The following WNK3 variants were observed in gnomAD, a reference collection of about 807,000 sequenced individuals.
WNK3 encodes the protein serine/threonine-protein kinase WNK3.
Under a neutral mutation model 116.7 loss-of-function variants are expected in WNK3, and 18 were observed. The observed-to-expected ratio is 0.15, with a 90% confidence interval of 0.11 to 0.23. The LOEUF (loss-of-function observed/expected upper bound fraction) is 0.23, where lower values mean the gene tolerates loss of function less well. WNK3 is among the 10% of genes least tolerant of loss of function. The probability of loss-of-function intolerance (pLI) is 1.00; values close to 1 mark genes in which losing one functional copy is unlikely to be tolerated. For missense variants in WNK3, 993 were observed against 1,323.8 expected (o/e 0.75, Z 3.88); for synonymous variants, 404 against 469.4 (o/e 0.86, Z 1.80).
intron 17 of WNK3, among the ~76,000 whole-genome samples, chrX:54,245,146 G>A (rs1260141688): frequency 1.1e-4 from 4 of 37,008 alleles, no homozygotes; most frequent in East Asian, 4.8e-4. Context: ...ATATATATGC[G>A]TGTGTGTGTG....
chrX:54,299,706 C>T (rs1447332864), intron 6 of WNK3, among the ~76,000 whole-genome samples: 1 of 110,652 alleles, frequency 9.0e-6, no homozygotes, highest in South Asian at 3.8e-4. Flanking sequence ...GTGCCCGTCC[C>T]TAAGACTAAA....
intron 22 of WNK3, among the ~76,000 whole-genome samples, chrX:54,221,585 C>A (rs1202866950): frequency 1.8e-5 from 2 of 111,603 alleles, no homozygotes; most frequent in African/African-American, 6.5e-5. Context: ...TGTAATCCAG[C>A]ATTTTGGGAG....
At chrX:54,202,098 C>T (rs782116364) in exon 23 of WNK3, 7 of 1,211,368 alleles carry the variant, frequency 5.8e-6, no homozygotes, top group South Asian at 1.8e-5. Flanking sequence ...TTTGTCCAGT[C>T]ATCCACCAGC....
Position 54,341,007 on chromosome X carries a change from T to TC in WNK3, c.-119-7216dup, listed in dbSNP as rs782040620. Among the ~76,000 whole-genome samples, 18 of 112,202 alleles carry TC rather than the reference T, an allele frequency of 1.6e-4. 1 individual carries two copies. Among genetic ancestry groups the TC allele is most frequent in the Admixed American group, 8.6e-4 (9 of 10,504 alleles). On this transcript the variant is annotated intron_variant, in intron 1 of 23. Transcript: ENST00000354646. Reference sequence around the variant, plus strand: ...TCCACACAAAAACTTGTACAAGTGTTCATAGCAGCACTATTCACAATACCC... The same window carrying TC: ...TCCACACAAAAACTTGTACAAGTGTTCCATAGCAGCACTATTCACAATACCC...
intron 22 of WNK3, among the ~76,000 whole-genome samples, chrX:54,204,805 G>T (rs2067535128): frequency 8.9e-6 from 1 of 112,470 alleles, no homozygotes; most frequent in Non-Finnish European, 1.9e-5. Context: ...AAACAGGAAT[G>T]TATCAATGCC....
chrX:54,240,304 CAAA>C (rs1241150139), intron 17 of WNK3, among the ~76,000 whole-genome samples: 1 of 69,874 alleles, frequency 1.4e-5, no homozygotes, highest in African/African-American at 5.1e-5. Flanking sequence ...ACTCTTGTTT[CAAA>C]AAAAAAAAAA....
intron 10 of WNK3, among the ~76,000 whole-genome samples, chrX:54,268,080 GCACACACACACACACACA>G (rs57010526): frequency 2.6e-4 from 21 of 80,804 alleles, no homozygotes; most frequent in African/African-American, 8.3e-4. Flanking sequence ...CTGAATGCGT[GCACACACACACACACACA>G]CACACACACA....
chrX:54,219,454 C>T (rs782723889), intron 22 of WNK3, among the ~76,000 whole-genome samples: 27 of 109,279 alleles, frequency 2.5e-4, no homozygotes, highest in Middle Eastern at 4.6e-3. Flanking sequence ...CTGAAGCAGG[C>T]AGATCACTTG....
At chrX:54,262,075 T>G (rs1298097091) in intron 10 of WNK3, among the ~76,000 whole-genome samples, 2 of 111,997 alleles carry the variant, frequency 1.8e-5, no homozygotes, top group African/African-American at 6.5e-5. Flanking sequence ...GTATATAACA[T>G]TATAAAATGT....
chrX:54,314,269 TTTTC>T (rs782363914), intron 2 of WNK3, among the ~76,000 whole-genome samples: 4 of 110,266 alleles, frequency 3.6e-5, no homozygotes, highest in African/African-American at 1.3e-4. Context: ...CACCTTTACC[TTTTC>T]TTTATCACTG....
At chrX:54,299,010 A>G (rs782111762) in intron 6 of WNK3, among the ~76,000 whole-genome samples, 1 of 112,391 alleles carries the variant, frequency 8.9e-6, no homozygotes, top group African/African-American at 3.2e-5. Flanking sequence ...TTTAGACCAG[A>G]GTATACATAT....
At chrX:54,291,040 A>G (rs782505379) in intron 10 of WNK3, among the ~76,000 whole-genome samples, 6 of 111,857 alleles carry the variant, frequency 5.4e-5, no homozygotes, top group Non-Finnish European at 1.1e-4. Context: ...TTGGCCGGGC[A>G]CGGTGGCTCA....
intron 10 of WNK3, among the ~76,000 whole-genome samples, chrX:54,280,637 G>A (rs1339651180): frequency 1.8e-5 from 2 of 112,028 alleles, no homozygotes; most frequent in Non-Finnish European, 3.8e-5. Flanking sequence ...CAGCAACAAG[G>A]ATGCAGCTGG....
At chrX:54,344,304 G>A (rs1479669873) in intron 1 of WNK3, among the ~76,000 whole-genome samples, 4 of 110,465 alleles carry the variant, frequency 3.6e-5, no homozygotes, top group African/African-American at 9.8e-5. Flanking sequence ...TTAGCCGGGC[G>A]TCGTGGCGGG....
intron 1 of WNK3, among the ~76,000 whole-genome samples, chrX:54,350,409 C>CA (rs1350476250): frequency 4.2e-3 from 292 of 69,448 alleles, no homozygotes; most frequent in African/African-American, 0.01. Context: ...GACTCTGTCT[C>CA]AAAAAAAAAA....
At chrX:54,309,044 A>T in intron 4 of WNK3, 51 bp downstream of exon 4, 1 of 1,073,113 alleles carries the variant, frequency 9.3e-7, no homozygotes, top group Non-Finnish European at 1.3e-6. Context: ...AGACCTATAC[A>T]ATTGAAAAAT....
At chrX:54,219,731 TAA>T (rs782255041) in intron 22 of WNK3, among the ~76,000 whole-genome samples, 8 of 94,256 alleles carry the variant, frequency 8.5e-5, no homozygotes, top group African/African-American at 3.2e-4. Context: ...CACTGTGCTA[TAA>T]ACTCCTTGAA....
intron 20 of WNK3, among the ~76,000 whole-genome samples, chrX:54,233,261 T>TAAAAAA (rs782394068): frequency 1.3e-5 from 1 of 76,920 alleles, no homozygotes. Context: ...CCTATCTCTC[T>TAAAAAA]AAAAAAAAAA....
chrX:54,354,319 T>A (rs1206929901), intron 1 of WNK3, among the ~76,000 whole-genome samples: 1 of 112,212 alleles, frequency 8.9e-6, no homozygotes, highest in South Asian at 3.7e-4. Flanking sequence ...TGTTATGATC[T>A]CAAACAAAGG....
Sources: allele counts gnomAD v4.1 joint callset (sites outside exome capture counted in the v4.1 genomes callset), GRCh38; gene constraint gnomAD v4.1.1; transcripts MANE v1.5; gene names NCBI Gene and HGNC (gene_info 2026-07-23, HGNC 2026-07-21).